PLCL2: variants seen among roughly 807,000 people sequenced by gnomAD.
PLCL2 encodes inactive phospholipase C-like protein 2.
In PLCL2, 4 loss-of-function variants were observed where a neutral mutation model predicts 79.6. The ratio of observed to expected loss-of-function variants is 0.05; its 90% CI spans 0.02 to 0.11. The LOEUF is 0.11. PLCL2 is among the 10% of genes least tolerant of loss of function. PLCL2 has a pLI of 1.00. For synonymous variants in PLCL2, 484 were observed against 457.7 expected (o/e 1.06, Z -0.73); for missense variants, 895 against 1,291.0 (o/e 0.69, Z 4.70).
chr3:16,997,353 C>T (rs370170326), intron 1 of PLCL2, among the ~76,000 whole-genome samples: 24 of 152,084 alleles, frequency 1.6e-4, no homozygotes, highest in South Asian at 1.0e-3. Flanking sequence ...CTATAAATAC[C>T]GTAAGAGTTT....
At chr3:17,036,211 T>C (rs928910912) in intron 3 of PLCL2, among the ~76,000 whole-genome samples, 1 of 152,124 alleles carries the variant, frequency 6.6e-6, no homozygotes, top group African/African-American at 2.4e-5. Context: ...CCATGTGAGA[T>C]GGAAAGGGGA....
intron 1 of PLCL2, among the ~76,000 whole-genome samples, chr3:16,984,111 G>A (rs559020137): frequency 1.3e-5 from 2 of 151,606 alleles, no homozygotes; most frequent in South Asian, 2.1e-4. Flanking sequence ...ACGCGTGGAG[G>A]GTATTTCTTT....
intron 1 of PLCL2, among the ~76,000 whole-genome samples, chr3:16,985,334 G>A (rs537642131): frequency 3.3e-5 from 5 of 152,126 alleles, no homozygotes; most frequent in East Asian, 3.9e-4. Context: ...TCCATAGTAC[G>A]TGGCCCACAA....
intron 5 of PLCL2, among the ~76,000 whole-genome samples, chr3:17,088,807 C>T (rs2065246238): frequency 6.6e-6 from 1 of 152,162 alleles, no homozygotes; most frequent in Non-Finnish European, 1.5e-5. Context: ...GGGTGACAAA[C>T]TTCATTGGCC....
chr3:17,066,097 C>T (rs897983279), intron 4 of PLCL2, among the ~76,000 whole-genome samples: 6 of 152,244 alleles, frequency 3.9e-5, no homozygotes, highest in South Asian at 4.1e-4. Flanking sequence ...CAGGGAGTCT[C>T]CCGGATGTGA....
chr3:17,038,856 C>T (rs775419555), intron 3 of PLCL2, among the ~76,000 whole-genome samples: 7 of 152,154 alleles, frequency 4.6e-5, no homozygotes, highest in Non-Finnish European at 8.8e-5. Flanking sequence ...AGTTGCCACT[C>T]ATGTGTCAAG....
chr3:17,000,320 G>A (rs1391155650), intron 1 of PLCL2, among the ~76,000 whole-genome samples: 1 of 151,818 alleles, frequency 6.6e-6, no homozygotes, highest in Non-Finnish European at 1.5e-5. Context: ...TTTTTCAATT[G>A]ATACATTATT....
intron 1 of PLCL2, among the ~76,000 whole-genome samples, chr3:16,936,968 G>T (rs1038237032): frequency 9.9e-5 from 15 of 152,128 alleles, no homozygotes; most frequent in Non-Finnish European, 2.2e-4. Context: ...TTTTGGCGGG[G>T]TGAGCGGGGG....
At chr3:16,979,832 C>T (rs560467881) in intron 1 of PLCL2, among the ~76,000 whole-genome samples, 6 of 150,248 alleles carry the variant, frequency 4.0e-5, no homozygotes, top group Non-Finnish European at 7.4e-5. Flanking sequence ...CATCATGGCC[C>T]GTTCTCAATG....
At chr3:16,898,482 C>A (rs561826670) in intron 1 of PLCL2, among the ~76,000 whole-genome samples, 1 of 152,082 alleles carries the variant, frequency 6.6e-6, no homozygotes, top group South Asian at 2.1e-4. Context: ...GAATAGCTGC[C>A]GGGTATGAAT....
intron 4 of PLCL2, among the ~76,000 whole-genome samples, chr3:17,063,404 C>T (rs1359925833): frequency 2.0e-5 from 3 of 147,834 alleles, no homozygotes; most frequent in South Asian, 4.5e-4. Flanking sequence ...TGAACATGGA[C>T]TTCGCATCTC....
chr3:16,912,826 G>A (rs1036880994), intron 1 of PLCL2, among the ~76,000 whole-genome samples: 4 of 152,120 alleles, frequency 2.6e-5, no homozygotes, highest in Admixed American at 1.3e-4. Context: ...GGAACAAAAC[G>A]CTTTTTGAGA....
intron 1 of PLCL2, among the ~76,000 whole-genome samples, chr3:16,955,111 T>A (rs2063691754): frequency 6.6e-6 from 1 of 152,370 alleles, no homozygotes; most frequent in Non-Finnish European, 1.5e-5. Context: ...CATGACTACG[T>A]CCTGAATGGT....
rs1333103006 is a variant in PLCL2 at position 16,886,533 on chromosome 3, T to C, written c.327+1167T>C. Reference sequence around the variant, plus strand: ...TGCAGTAATCTAGTGAAATATACCATCTTGCTACTCTATGTAAGAGGCAAT... The same window carrying C: ...TGCAGTAATCTAGTGAAATATACCACCTTGCTACTCTATGTAAGAGGCAAT... On this transcript the variant is annotated intron_variant, in intron 1 of 5. Coordinates refer to ENST00000615277, the MANE Select transcript of PLCL2 (RefSeq NM_001144382.2). The surrounding 1 kb of genome is among the most constrained non-coding windows in gnomAD (Gnocchi z 4.2). 1.3e-5 allele frequency among the ~76,000 whole-genome samples: 2 copies of C among 152,250 alleles called. No individual in the cohort carries two copies. The highest frequency in any genetic ancestry group is 1.3e-4 in the Admixed American group (2 of 15,288).
chr3:16,934,729 A>G (rs189319145), intron 1 of PLCL2, among the ~76,000 whole-genome samples: 110 of 152,306 alleles, frequency 7.2e-4, no homozygotes, highest in African/African-American at 2.5e-3. Flanking sequence ...GGCCTGAACT[A>G]GGAAATGGCA....
chr3:17,023,135 G>A (rs2064474382), intron 3 of PLCL2, among the ~76,000 whole-genome samples: 1 of 152,072 alleles, frequency 6.6e-6, no homozygotes, highest in Non-Finnish European at 1.5e-5. Flanking sequence ...ATAGTGGGGG[G>A]ATTTCCCAGC....
intron 1 of PLCL2, among the ~76,000 whole-genome samples, chr3:16,957,228 G>T (rs1200257009): frequency 2.6e-5 from 4 of 152,052 alleles, no homozygotes; most frequent in African/African-American, 7.2e-5. Context: ...GGTATGTTGT[G>T]TGTTTGTTCT....
chr3:17,003,796 C>A (rs1179555287), intron 1 of PLCL2, among the ~76,000 whole-genome samples: 1 of 152,118 alleles, frequency 6.6e-6, no homozygotes, highest in Non-Finnish European at 1.5e-5. Context: ...GTTCTGCTAC[C>A]CCCTGGGGCA....
chr3:17,013,523 A>G (rs2064351196), intron 2 of PLCL2, among the ~76,000 whole-genome samples: 1 of 152,382 alleles, frequency 6.6e-6, no homozygotes, highest in African/African-American at 2.4e-5. Flanking sequence ...CACTTTAAAT[A>G]TCACAGTCAT....
Sources: gnomAD v4.1 joint callset for allele counts (sites outside exome capture counted in the v4.1 genomes callset) on GRCh38, gnomAD v4.1.1 for gene constraint, Gnocchi (gnomAD v3.1) non-coding constraint, MANE v1.5 for transcripts, NCBI Gene and HGNC (gene_info 2026-07-23, HGNC 2026-07-21) for gene names.